TUSC3: variants seen among roughly 807,000 people sequenced by gnomAD.
The protein encoded by TUSC3 is dolichyl-diphosphooligosaccharide--protein glycosyltransferase subunit TUSC3.
In TUSC3, 45 loss-of-function variants were observed where a neutral mutation model predicts 44.8. The observed-to-expected ratio is 1.00, with a 90% CI of 0.79 to 1.29. TUSC3 has a LOEUF of 1.29. Ranked by LOEUF, TUSC3 falls within the 50% of genes most tolerant of loss-of-function variation. The probability of loss-of-function intolerance (pLI) is 0.00; values close to 1 mark genes in which losing one functional copy is unlikely to be tolerated. For synonymous variants in TUSC3, 212 were observed against 152.9 expected (o/e 1.39, Z -2.85); for missense variants, 519 against 437.9 (o/e 1.19, Z -1.65).
intron 3 of TUSC3, among the ~76,000 whole-genome samples, chr8:15,655,717 A>G (rs1807131462): frequency 6.6e-6 from 1 of 152,138 alleles, no homozygotes; most frequent in Admixed American, 6.5e-5. Flanking sequence ...GTTGCTGCAG[A>G]CCTCCAGGGA....
chr8:15,526,955 A>T lies in TUSC3; in HGVS notation n.189+43472A>T, dbSNP rs59824097. 4.3e-3 allele frequency among the ~76,000 whole-genome samples: 648 copies of T among 152,330 alleles called. 3 individuals are homozygous for T. In the East Asian group the frequency reaches 0.051, roughly 12 times the overall value. On this transcript the variant is annotated intron_variant and non_coding_transcript_variant, in intron 2 of 5. Transcript: ENST00000503191. ...GTTTCTAGATCATAAATACTAAAGG[A>T]TAAAGGATTAAGTGTATTTTTTGTC...
chr8:15,750,140 T>G (rs1450556200), intron 9 of TUSC3, among the ~76,000 whole-genome samples: 4 of 151,552 alleles, frequency 2.6e-5, no homozygotes, highest in African/African-American at 9.7e-5. Flanking sequence ...CCACCATGCC[T>G]GGCTAATTTT....
chr8:15,433,334 C>A (rs527470542), intron 1 of TUSC3, among the ~76,000 whole-genome samples: 3 of 152,146 alleles, frequency 2.0e-5, no homozygotes, highest in African/African-American at 7.2e-5. Flanking sequence ...CAGTGAGTGT[C>A]AATATGTCTC....
intron 1 of TUSC3, among the ~76,000 whole-genome samples, chr8:15,418,920 C>T (rs548790683): frequency 3.2e-4 from 49 of 152,124 alleles, no homozygotes; most frequent in Non-Finnish European, 6.3e-4. Flanking sequence ...ATAGGAGGAT[C>T]ACATGAGCCC....
At chr8:15,582,169 G>T (rs1016718488) in intron 1 of TUSC3, among the ~76,000 whole-genome samples, 1 of 152,152 alleles carries the variant, frequency 6.6e-6, no homozygotes, top group African/African-American at 2.4e-5. Flanking sequence ...GCTTCGGCTC[G>T]CGCATGGTGC....
chr8:15,692,375 G>GTTT lies in TUSC3; in HGVS notation c.798+18561_798+18563dup, dbSNP rs59838929. Among the ~76,000 whole-genome samples the GTTT allele has an allele frequency of 6.1e-3, 416 of 68,312 alleles. 28 individuals are homozygous for GTTT. Among genetic ancestry groups the GTTT allele is most frequent in the African/African-American group, 0.016 (274 of 17,562 alleles). 44.8% of individuals were successfully genotyped at this position (68,312 alleles called of 152,430 possible). A position where few individuals can be genotyped will look rare whatever the true frequency, so the allele number is the denominator to read the frequency against. On this transcript the variant is annotated intron_variant, in intron 6 of 10. Transcript: ENST00000503731. ...GGAGGAGACCCCCCCCCCCCCCTTT[G>GTTT]TTTTTTTTTTTTTTTTTTTTTTTTG...
At chr8:15,692,375 G>T (rs185973177) in intron 6 of TUSC3, among the ~76,000 whole-genome samples, 1,448 of 68,178 alleles carry the variant, frequency 0.021, 1 homozygote, top group Middle Eastern at 0.062. Context: ...CCCCCCCTTT[G>T]TTTTTTTTTT....
chr8:15,823,305 C>T, the TUSC3 span, among the ~76,000 whole-genome samples: 1 of 152,044 alleles, frequency 6.6e-6, no homozygotes, highest in Non-Finnish European at 1.5e-5. Context: ...TTCATTATTT[C>T]TTTTTATTAA....
chr8:15,779,671 G>A, the TUSC3 span, among the ~76,000 whole-genome samples: 1 of 152,174 alleles, frequency 6.6e-6, no homozygotes, highest in Non-Finnish European at 1.5e-5. Flanking sequence ...TTGATTAAAA[G>A]AGTATCAAAA....
chr8:15,748,644 A>C, intron 9 of TUSC3, 179 bp downstream of exon 9: 1 of 742,078 alleles, frequency 1.3e-6, no homozygotes, highest in Non-Finnish European at 2.5e-6. Context: ...AAGGAGATAT[A>C]AGGCATGGTT....
At chr8:15,583,879 G>T (rs1007618239) in intron 1 of TUSC3, among the ~76,000 whole-genome samples, 1 of 152,180 alleles carries the variant, frequency 6.6e-6, no homozygotes, top group African/African-American at 2.4e-5. Context: ...TTCTTAAAAT[G>T]AGGATGTAGT....
chr8:15,571,392 G>A (rs1802872602), intron 1 of TUSC3, among the ~76,000 whole-genome samples: 1 of 152,130 alleles, frequency 6.6e-6, no homozygotes, highest in Admixed American at 6.5e-5. Context: ...TGGTTTCTCA[G>A]TGCATTTAGA....
At chr8:15,776,840 G>A in the TUSC3 span, among the ~76,000 whole-genome samples, 1 of 152,038 alleles carries the variant, frequency 6.6e-6, no homozygotes, top group Non-Finnish European at 1.5e-5. Flanking sequence ...TGTAAGATTA[G>A]CCCTTTTACT....
chr8:15,522,023 T>C (rs565342626), intron 2 of TUSC3, among the ~76,000 whole-genome samples: 1 of 152,310 alleles, frequency 6.6e-6, no homozygotes, highest in South Asian at 2.1e-4. Flanking sequence ...CATGTTACAA[T>C]ATTCCAACCT....
rs540553634 is a variant in TUSC3, at chr8:15,458,809, C to T, written n.92-24577C>T. 7.9e-5 allele frequency among the ~76,000 whole-genome samples: 12 copies of T among 152,284 alleles called. No homozygotes were observed. In the East Asian group the frequency reaches 2.1e-3, roughly 27 times the overall value. Reference sequence around the variant, plus strand: ...AACCATCAGTTTATCTTTGCAAGGACAAAAGGCCAGTTCTTTCTAAGTTAT... The same window carrying T: ...AACCATCAGTTTATCTTTGCAAGGATAAAAGGCCAGTTCTTTCTAAGTTAT... On this transcript the variant is annotated intron_variant and non_coding_transcript_variant, in intron 1 of 5. Transcript: ENST00000503191.
intron 2 of TUSC3, among the ~76,000 whole-genome samples, chr8:15,500,734 A>G (rs927721793): frequency 3.3e-5 from 5 of 152,224 alleles, no homozygotes; most frequent in East Asian, 1.9e-4. Flanking sequence ...AGAATGTGAC[A>G]GGAAACATCA....
chr8:15,581,584 G>T lies in TUSC3; in HGVS notation c.138+41016G>T, dbSNP rs943209932. ...CTGTTGGAATACCCTGCAGTGTGAG[G>T]TGTCAGTGTGCCCCTGCTGCGGGGT... On this transcript the variant is annotated intron_variant, in intron 1 of 10. Coordinates refer to ENST00000503731, the MANE Select transcript of TUSC3 (RefSeq NM_006765.4). 2.7e-5 allele frequency among the ~76,000 whole-genome samples: 4 copies of T among 149,362 alleles called. 1 individual carries two copies. The highest frequency in any genetic ancestry group is 4.0e-4 in the East Asian group (2 of 5,000).
chr8:15,659,696 T>A, intron 4 of TUSC3, 49 bp downstream of exon 4: 1 of 1,604,294 alleles, frequency 6.2e-7, no homozygotes, highest in Admixed American at 1.7e-5. Context: ...TTAGTTTGTT[T>A]TTATGGAGCA....
intron 6 of TUSC3, among the ~76,000 whole-genome samples, chr8:15,693,783 G>A (rs867986547): frequency 6.6e-5 from 10 of 152,194 alleles, no homozygotes; most frequent in Middle Eastern, 3.4e-3. Flanking sequence ...ACACCAGTGA[G>A]TCGTAGATTT....
Sources: gnomAD v4.1 joint callset for allele counts (sites outside exome capture counted in the v4.1 genomes callset) on GRCh38, gnomAD v4.1.1 for gene constraint, MANE v1.5 for transcripts, NCBI Gene and HGNC (gene_info 2026-07-23, HGNC 2026-07-21) for gene names.